The following PPP1R14C variants were observed in gnomAD, a reference collection of about 807,000 sequenced individuals.
The protein encoded by PPP1R14C is protein phosphatase 1 regulatory subunit 14C.
In PPP1R14C, 16 loss-of-function variants were observed where a neutral mutation model predicts 20.4. The observed-to-expected ratio is 0.78, with a 90% CI of 0.53 to 1.19. The LOEUF (loss-of-function observed/expected upper bound fraction) is 1.19, where lower values mean the gene tolerates loss of function less well. Ranked by LOEUF, PPP1R14C falls within the 50% of genes most tolerant of loss-of-function variation. The pLI is 0.00. For synonymous variants in PPP1R14C, 91 were observed against 91.0 expected, an observed-to-expected ratio of 1.00 and a Z score of 0.00; for missense variants, 211 against 220.1, an observed-to-expected ratio of 0.96 and a Z score of 0.26.
rs190411604 is a variant in PPP1R14C at position 150,223,231 on chromosome 6, T to C, written c.423+6375T>C. Among the ~76,000 whole-genome samples, 12 of 152,346 alleles carry C rather than the reference T, an allele frequency of 7.9e-5. No individual in the cohort carries two copies. The East Asian group carries it at 2.3e-3, about 29-fold the overall frequency. On this transcript the variant is annotated intron_variant, in intron 3 of 3. Coordinates refer to ENST00000361131, the MANE Select transcript of PPP1R14C (RefSeq NM_030949.3). ...TTCTATTATCTGGATGTACCAGAGT[T>C]TATCCATTCATTCACCTACTGAAAT...
At chr6:150,193,138 C>G (rs950718464) in intron 1 of PPP1R14C, among the ~76,000 whole-genome samples, 2 of 152,052 alleles carry the variant, frequency 1.3e-5, no homozygotes, top group Non-Finnish European at 2.9e-5. Context: ...GAGAAGGAAG[C>G]TTAGACGTTA....
intron 3 of PPP1R14C, among the ~76,000 whole-genome samples, chr6:150,218,544 G>T: frequency 7.0e-6 from 1 of 142,574 alleles, no homozygotes; most frequent in South Asian, 2.2e-4. Context: ...CACCTTTCAG[G>T]CCCTTTTCCT....
intron 1 of PPP1R14C, among the ~76,000 whole-genome samples, chr6:150,168,541 C>CAAAACAAAACAAAAG (rs1777462446): frequency 1.3e-5 from 2 of 149,752 alleles, no homozygotes; most frequent in Non-Finnish European, 2.9e-5. Context: ...CTCAACAAAA[C>CAAAACAAAACAAAAG]AAAACAAAAC....
intron 1 of PPP1R14C, among the ~76,000 whole-genome samples, chr6:150,150,326 A>C (rs914303246): frequency 1.3e-5 from 2 of 152,184 alleles, no homozygotes; most frequent in African/African-American, 4.8e-5. Flanking sequence ...TTTGAAGTTT[A>C]GGTTGACAGA....
intron 2 of PPP1R14C, among the ~76,000 whole-genome samples, chr6:150,215,800 C>T (rs1421131810): frequency 2.6e-5 from 4 of 152,180 alleles, no homozygotes; most frequent in Admixed American, 6.5e-5. Flanking sequence ...CCCGCACCCC[C>T]CAGTTCCCAG....
rs372963876 is a variant in PPP1R14C at position 150,171,044 on chromosome 6, G to A, written c.306+27546G>A. Among the ~76,000 whole-genome samples the A allele has an allele frequency of 4.9e-4, 74 of 152,020 alleles. 1 individual carries two copies. The South Asian group carries it at 0.014, about 28-fold the overall frequency. On this transcript the variant is annotated intron_variant, in intron 1 of 3. Coordinates refer to ENST00000361131, the MANE Select transcript of PPP1R14C (RefSeq NM_030949.3). Reference sequence around the variant, plus strand: ...CAGCCTCCCCACCAACTCCCCCGGCGTGACCCTCCATTGGAGCGGTACATT... The same window carrying A: ...CAGCCTCCCCACCAACTCCCCCGGCATGACCCTCCATTGGAGCGGTACATT...
At position 150,247,746 on chromosome 6, in the gene PPP1R14C, A is replaced by G. The variant is rs191298858; in HGVS notation, c.424-1000A>G. ...AGTGTGATCTACACCAGTGGTGTGC[A>G]GTATTCTCCAGTGATAAGTAGCATC... On this transcript the variant is annotated intron_variant, in intron 3 of 3. Coordinates refer to ENST00000361131, the MANE Select transcript of PPP1R14C (RefSeq NM_030949.3). Among the ~76,000 whole-genome samples, 11 of 152,300 alleles carry G rather than the reference A, an allele frequency of 7.2e-5. No homozygotes were observed. The East Asian group carries it at 2.1e-3, about 29-fold the overall frequency.
chr6:150,194,243 C>A (rs957419705), intron 1 of PPP1R14C, among the ~76,000 whole-genome samples: 5 of 152,162 alleles, frequency 3.3e-5, no homozygotes, highest in Non-Finnish European at 7.4e-5. Context: ...ATACAGTGGG[C>A]ATGGTTTTCT....
rs578016450 is a variant in PPP1R14C, at chr6:150,192,153, A to C, written c.307-22591A>C. Among the ~76,000 whole-genome samples the C allele has an allele frequency of 7.2e-5, 11 of 152,172 alleles. No homozygotes were observed. The South Asian group carries it at 2.3e-3, about 32-fold the overall frequency. ...TGGTCCGTTTTGACTTTTCCCATTC[A>C]TTCTGTGGGCTTGATTTGGATGCCG... On this transcript the variant is annotated intron_variant, in intron 1 of 3. Coordinates refer to ENST00000361131, the MANE Select transcript of PPP1R14C (RefSeq NM_030949.3).
chr6:150,155,525 C>T (rs192708615), intron 1 of PPP1R14C, among the ~76,000 whole-genome samples: 173 of 152,266 alleles, frequency 1.1e-3, no homozygotes, highest in African/African-American at 3.7e-3. Context: ...AGACTTGCTT[C>T]CTGGAAACTG....
At chr6:150,192,072 G>A (rs1205420554) in intron 1 of PPP1R14C, among the ~76,000 whole-genome samples, 1 of 152,174 alleles carries the variant, frequency 6.6e-6, no homozygotes, top group African/African-American at 2.4e-5. Flanking sequence ...TCTTCTCGGA[G>A]TCCTCACACA....
intron 1 of PPP1R14C, among the ~76,000 whole-genome samples, chr6:150,199,468 G>T (rs893614035): frequency 6.6e-6 from 1 of 152,192 alleles, no homozygotes; most frequent in Non-Finnish European, 1.5e-5. Context: ...AGGACACTGT[G>T]TTCTGGAGGG....
chr6:150,155,557 C>A (rs1480025275), intron 1 of PPP1R14C, among the ~76,000 whole-genome samples: 1 of 152,100 alleles, frequency 6.6e-6, no homozygotes, highest in East Asian at 1.9e-4. Flanking sequence ...TGCACCATTT[C>A]CCCCCAGATA....
chr6:150,172,467 G>T (rs894074712), intron 1 of PPP1R14C, among the ~76,000 whole-genome samples: 4 of 152,206 alleles, frequency 2.6e-5, no homozygotes, highest in Non-Finnish European at 2.9e-5. Flanking sequence ...GCCCTGTGGT[G>T]CAGGTGGGGA....
chr6:150,167,687 T>C (rs1174532272), intron 1 of PPP1R14C, among the ~76,000 whole-genome samples: 1 of 152,066 alleles, frequency 6.6e-6, no homozygotes, highest in African/African-American at 2.4e-5. Flanking sequence ...CTGTCTTATA[T>C]ACTGTATAAG....
At chr6:150,216,942 G>T in intron 3 of PPP1R14C, 86 bp downstream of exon 3, 1 of 1,042,548 alleles carries the variant, frequency 9.6e-7, no homozygotes, top group Non-Finnish European at 1.5e-6. Context: ...ACCACAATAA[G>T]TAGGTTTGAG....
At chr6:150,149,853 G>C (rs1253696374) in intron 1 of PPP1R14C, among the ~76,000 whole-genome samples, 1 of 152,154 alleles carries the variant, frequency 6.6e-6, no homozygotes, top group Non-Finnish European at 1.5e-5. Context: ...CAGGGGTGTT[G>C]GTGTATGTTT....
At chr6:150,171,055 T>C (rs1019155795) in intron 1 of PPP1R14C, among the ~76,000 whole-genome samples, 1 of 152,046 alleles carries the variant, frequency 6.6e-6, no homozygotes, top group Non-Finnish European at 1.5e-5. Context: ...TGACCCTCCA[T>C]TGGAGCGGTA....
chr6:150,202,795 T>C (rs1386904509), intron 1 of PPP1R14C, among the ~76,000 whole-genome samples: 1 of 152,250 alleles, frequency 6.6e-6, no homozygotes, highest in Non-Finnish European at 1.5e-5. Context: ...GCCCTCACCT[T>C]CCTGGGTTCA....
Sources: allele counts gnomAD v4.1 joint callset (sites outside exome capture counted in the v4.1 genomes callset), GRCh38; gene constraint gnomAD v4.1.1; transcripts MANE v1.5; gene names NCBI Gene and HGNC (gene_info 2026-07-23, HGNC 2026-07-21).